The following PTPRG variants were observed in gnomAD, a reference collection of about 807,000 sequenced individuals.
The protein encoded by PTPRG is receptor-type tyrosine-protein phosphatase gamma.
In PTPRG, 102 loss-of-function variants were observed where a neutral mutation model predicts 165.3. The ratio of observed to expected loss-of-function variants is 0.62; its 90% CI spans 0.53 to 0.73. PTPRG has a LOEUF of 0.73. Among genes scored for constraint, PTPRG ranks in the 30% least tolerant of loss-of-function variants. The pLI is 0.00. For synonymous variants in PTPRG, 675 were observed against 669.5 expected (o/e 1.01, Z -0.13); for missense variants, 1,866 against 1,861.4 (o/e 1.00, Z -0.05).
At chr3:61,580,014 G>GA (rs368935963) in intron 1 of PTPRG, among the ~76,000 whole-genome samples, 1 of 151,720 alleles carries the variant, frequency 6.6e-6, no homozygotes, top group African/African-American at 2.4e-5. Flanking sequence ...GAGAAATATT[G>GA]AAAAAAATAA....
intron 2 of PTPRG, among the ~76,000 whole-genome samples, chr3:61,983,461 T>C (rs931019077): frequency 1.3e-5 from 2 of 152,142 alleles, no homozygotes; most frequent in African/African-American, 4.8e-5. Flanking sequence ...ATAAGCATAT[T>C]TGACTAGAAA....
chr3:62,185,613 C>G (rs913155634), intron 8 of PTPRG, among the ~76,000 whole-genome samples: 9 of 152,172 alleles, frequency 5.9e-5, no homozygotes, highest in African/African-American at 1.7e-4. Context: ...ATTGAGTACA[C>G]ACTCCCATCT....
At chr3:61,734,744 C>T (rs2032652408) in intron 1 of PTPRG, among the ~76,000 whole-genome samples, 1 of 152,264 alleles carries the variant, frequency 6.6e-6, no homozygotes, top group African/African-American at 2.4e-5. Flanking sequence ...TTTTGTTCTC[C>T]TTCCTATCCC....
intron 2 of PTPRG, among the ~76,000 whole-genome samples, chr3:61,951,847 T>C (rs113832989): frequency 0.018 from 2,766 of 152,006 alleles, 85 homozygotes; most frequent in African/African-American, 0.061. Flanking sequence ...CGGCCTGGCG[T>C]GGTGGCTCAC....
At chr3:62,011,897 G>A (rs2041431226) in intron 4 of PTPRG, among the ~76,000 whole-genome samples, 1 of 152,188 alleles carries the variant, frequency 6.6e-6, no homozygotes, top group Admixed American at 6.5e-5. Context: ...GACACGTGGT[G>A]TGCTGATAGC....
At chr3:61,976,448 T>G (rs1282670947) in intron 2 of PTPRG, among the ~76,000 whole-genome samples, 1 of 152,184 alleles carries the variant, frequency 6.6e-6, no homozygotes, top group African/African-American at 2.4e-5. Context: ...TAATGCAGTG[T>G]AATGGAAGAG....
chr3:61,682,585 C>T (rs1456139239), intron 1 of PTPRG, among the ~76,000 whole-genome samples: 1 of 152,148 alleles, frequency 6.6e-6, no homozygotes, highest in African/African-American at 2.4e-5. Flanking sequence ...TCATTTCTGT[C>T]CAAAGGTGGA....
intron 1 of PTPRG, among the ~76,000 whole-genome samples, chr3:61,564,307 T>A (rs1369183491): frequency 1.3e-5 from 2 of 152,132 alleles, no homozygotes; most frequent in East Asian, 3.9e-4. Context: ...CGTGGAGGGC[T>A]GCCTTGCAAA....
intron 1 of PTPRG, among the ~76,000 whole-genome samples, chr3:61,657,065 A>T (rs1702527057): frequency 6.6e-6 from 1 of 152,248 alleles, no homozygotes; most frequent in African/African-American, 2.4e-5. Flanking sequence ...AGGAGTTTTC[A>T]GAAATGAAGA....
chr3:61,889,715 A>G (rs1341940334), intron 2 of PTPRG, among the ~76,000 whole-genome samples: 1 of 152,128 alleles, frequency 6.6e-6, no homozygotes, highest in Non-Finnish European at 1.5e-5. Flanking sequence ...TTAAGGAGGG[A>G]TGGCATCACA....
intron 1 of PTPRG, chr3:61,743,082 G>C (rs553022395): frequency 1.9e-6 from 3 of 1,586,254 alleles, no homozygotes; most frequent in Non-Finnish European, 2.6e-6. Context: ...CCTCGTACAG[G>C]GTGTTGCGAG....
intron 1 of PTPRG, chr3:61,742,574 G>A: frequency 6.3e-7 from 1 of 1,590,948 alleles, no homozygotes; most frequent in East Asian, 2.2e-5. Flanking sequence ...TTATACACAA[G>A]CTCATCGGCT....
At position 62,228,340 on chromosome 3, in the gene PTPRG, G is replaced by T. The variant is rs921867294; in HGVS notation, c.2289-2885G>T. ...GTTCAAGAACAGCCTGGCCAAAATG[G>T]TGAAACCCCGTCTACTAAAAATACA... On this transcript the variant is annotated intron_variant, in intron 13 of 29. Coordinates refer to ENST00000474889, the MANE Select transcript of PTPRG (RefSeq NM_002841.4). The surrounding 1 kb of genome is among the most constrained non-coding windows in gnomAD (Gnocchi z 4.1). Among the ~76,000 whole-genome samples, 1 of 152,028 alleles carries T rather than the reference G, an allele frequency of 6.6e-6. No individual in the cohort carries two copies. The highest frequency in any genetic ancestry group is 1.5e-5 in the Non-Finnish European group (1 of 68,018).
At chr3:61,977,194 C>G (rs980636301) in intron 2 of PTPRG, among the ~76,000 whole-genome samples, 1 of 138,646 alleles carries the variant, frequency 7.2e-6, no homozygotes. Flanking sequence ...TGCCCTCCCC[C>G]ACCCCCCACA....
rs545388667 is a variant in PTPRG at position 62,252,702 on chromosome 3, T to G, written c.2468-2422T>G. 7.2e-5 allele frequency among the ~76,000 whole-genome samples: 11 copies of G among 152,320 alleles called. No homozygotes were observed. Among genetic ancestry groups the G allele is most frequent in the African/African-American group, 2.6e-4 (11 of 41,560 alleles). On this transcript the variant is annotated intron_variant, in intron 15 of 29. Transcript: ENST00000474889. The surrounding 1 kb of genome is among the most constrained non-coding windows in gnomAD (Gnocchi z 4.6). ...TTGAGAGAATGTAATAGAAAAATTA[T>G]GAGAATGATTAGAATAATTAGTCAT...
chr3:62,235,173 C>G (rs1341655792), intron 14 of PTPRG, among the ~76,000 whole-genome samples: 1 of 152,170 alleles, frequency 6.6e-6, no homozygotes, highest in African/African-American at 2.4e-5. Flanking sequence ...TACCTCCTCC[C>G]CAAAATGAGT....
rs558028212 is a variant in PTPRG at position 61,899,929 on chromosome 3, A to G, written c.191-89696A>G. Among the ~76,000 whole-genome samples the G allele has an allele frequency of 7.2e-4, 110 of 152,340 alleles. 1 individual carries two copies. The highest frequency in any genetic ancestry group is 2.2e-3 in the African/African-American group (90 of 41,582). On this transcript the variant is annotated intron_variant, in intron 2 of 29. Coordinates refer to ENST00000474889, the MANE Select transcript of PTPRG (RefSeq NM_002841.4). Reference sequence around the variant, plus strand: ...AACTCAGCCTTCTGAAAGAGGAGGCATAAGGGATAATAACTCTGACCTACT... The same window carrying G: ...AACTCAGCCTTCTGAAAGAGGAGGCGTAAGGGATAATAACTCTGACCTACT...
chr3:61,639,475 T>C (rs1179787085), intron 1 of PTPRG, among the ~76,000 whole-genome samples: 2 of 152,206 alleles, frequency 1.3e-5, no homozygotes, highest in African/African-American at 4.8e-5. Context: ...ATAGGAATAG[T>C]GTTAAATCTG....
chr3:62,105,814 A>G (rs1702454903), intron 5 of PTPRG, among the ~76,000 whole-genome samples: 1 of 152,166 alleles, frequency 6.6e-6, no homozygotes, highest in Admixed American at 6.5e-5. Flanking sequence ...CCCAACATTC[A>G]TATGTCAACG....
Sources: allele counts gnomAD v4.1 joint callset (sites outside exome capture counted in the v4.1 genomes callset), GRCh38; gene constraint gnomAD v4.1.1; non-coding constraint Gnocchi (gnomAD v3.1); transcripts MANE v1.5; gene names NCBI Gene and HGNC (gene_info 2026-07-23, HGNC 2026-07-21).